The following CNTNAP2 variants were observed in gnomAD, a reference collection of about 807,000 sequenced individuals.
CNTNAP2 encodes the protein contactin associated protein 2.
In CNTNAP2, 98 loss-of-function variants were observed where a neutral mutation model predicts 155.2. That is an observed-to-expected ratio of 0.63 (90% CI 0.54 to 0.75). The LOEUF (loss-of-function observed/expected upper bound fraction) is 0.75, where lower values mean the gene tolerates loss of function less well. Among genes scored for constraint, CNTNAP2 ranks in the 30% least tolerant of loss-of-function variants. The probability of loss-of-function intolerance (pLI) is 0.00; values close to 1 mark genes in which losing one functional copy is unlikely to be tolerated. For missense variants in CNTNAP2, 1,727 were observed against 1,688.1 expected, an observed-to-expected ratio of 1.02 and a Z score of -0.40; for synonymous variants, 651 against 631.2, an observed-to-expected ratio of 1.03 and a Z score of -0.47.
chr7:148,361,601 C>T (rs527301552), intron 21 of CNTNAP2, among the ~76,000 whole-genome samples: 1 of 152,280 alleles, frequency 6.6e-6, no homozygotes, highest in African/African-American at 2.4e-5. Flanking sequence ...CTGCCTTTCT[C>T]CCTGTGTGTG....
intron 1 of CNTNAP2, among the ~76,000 whole-genome samples, chr7:146,505,991 C>A (rs1797378661): frequency 6.6e-6 from 1 of 152,120 alleles, no homozygotes; most frequent in Admixed American, 6.5e-5. Flanking sequence ...CTCAATAATA[C>A]CAGTAGTTTG....
At chr7:147,126,673 A>T (rs1801245734) in intron 6 of CNTNAP2, among the ~76,000 whole-genome samples, 1 of 152,138 alleles carries the variant, frequency 6.6e-6, no homozygotes, top group Non-Finnish European at 1.5e-5. Flanking sequence ...GGGTTTCTCC[A>T]TGTTGATCAG....
chr7:146,135,588 A>T (rs1288852130), intron 1 of CNTNAP2, among the ~76,000 whole-genome samples: 1 of 152,128 alleles, frequency 6.6e-6, no homozygotes, highest in Admixed American at 6.6e-5. Context: ...AATATTATAC[A>T]TATGAGTGTG....
chr7:147,855,201 A>G (rs1427013459), intron 13 of CNTNAP2, among the ~76,000 whole-genome samples: 1 of 152,058 alleles, frequency 6.6e-6, no homozygotes, highest in African/African-American at 2.4e-5. Flanking sequence ...TGGAGATTTC[A>G]TTGTATCTAG....
chr7:146,349,666 G>A (rs1794882439), intron 1 of CNTNAP2, among the ~76,000 whole-genome samples: 1 of 152,020 alleles, frequency 6.6e-6, no homozygotes, highest in African/African-American at 2.4e-5. Flanking sequence ...CAGGCCTGGT[G>A]GTGACAAAAT....
intron 1 of CNTNAP2, among the ~76,000 whole-genome samples, chr7:146,320,451 A>G (rs1800981692): frequency 6.6e-6 from 1 of 152,206 alleles, no homozygotes. Context: ...TGTTATACAT[A>G]AGAAGAAGAA....
At chr7:146,763,802 T>A (rs190218155) in intron 1 of CNTNAP2, among the ~76,000 whole-genome samples, 36 of 152,298 alleles carry the variant, frequency 2.4e-4, no homozygotes, top group Non-Finnish European at 5.1e-4. Flanking sequence ...ATAGACTACT[T>A]TTTTAGCCTA....
intron 11 of CNTNAP2, among the ~76,000 whole-genome samples, chr7:147,515,105 A>G (rs1799095609): frequency 6.6e-6 from 1 of 151,998 alleles, no homozygotes; most frequent in East Asian, 1.9e-4. Flanking sequence ...TGTCCCATGA[A>G]CACATCGGGC....
chr7:147,252,397 AAAG>A (rs984629952), intron 8 of CNTNAP2, among the ~76,000 whole-genome samples: 2 of 152,172 alleles, frequency 1.3e-5, no homozygotes, highest in Non-Finnish European at 2.9e-5. Context: ...ATCTTGCAAA[AAAG>A]CTCTGTCTCC....
chr7:147,324,453 C>T lies in CNTNAP2; in HGVS notation c.1498+24163C>T, dbSNP rs1263059148. 2.0e-5 allele frequency among the ~76,000 whole-genome samples: 3 copies of T among 152,108 alleles called. No homozygotes were observed. In the South Asian group the frequency reaches 6.2e-4, roughly 31 times the overall value. On this transcript the variant is annotated intron_variant, in intron 9 of 23. Transcript: ENST00000361727. ...CATCATGCCACATCAGATATGTAAT[C>T]CATTCAGCCTTATGTTTTCATCTCT... is the stretch of plus-strand genomic sequence containing the variant.
chr7:147,934,711 C>T (rs1800573134), intron 14 of CNTNAP2, among the ~76,000 whole-genome samples: 1 of 152,324 alleles, frequency 6.6e-6, no homozygotes, highest in East Asian at 1.9e-4. Flanking sequence ...AGTAACCCTA[C>T]ATAACCACAA....
At chr7:147,136,147 A>G (rs774762372) in intron 8 of CNTNAP2, among the ~76,000 whole-genome samples, 2 of 151,906 alleles carry the variant, frequency 1.3e-5, no homozygotes, top group African/African-American at 2.4e-5. Context: ...TTAACAAGGT[A>G]ATACAATGTG....
At chr7:147,901,793 C>G (rs541662813) in intron 13 of CNTNAP2, among the ~76,000 whole-genome samples, 2 of 152,066 alleles carry the variant, frequency 1.3e-5, no homozygotes, top group African/African-American at 4.8e-5. Context: ...TCTTTTTCTT[C>G]CATTCTGTTG....
chr7:146,529,930 AC>A (rs1797744186), intron 1 of CNTNAP2, among the ~76,000 whole-genome samples: 1 of 151,926 alleles, frequency 6.6e-6, no homozygotes, highest in Admixed American at 6.6e-5. Context: ...GTGCCACTGC[AC>A]TCTAGCCTGG....
chr7:146,530,794 C>G (rs778294400), intron 1 of CNTNAP2, among the ~76,000 whole-genome samples: 1 of 152,206 alleles, frequency 6.6e-6, no homozygotes, highest in Non-Finnish European at 1.5e-5. Context: ...ATTAGTTCAG[C>G]TACTGTAGAA....
intron 9 of CNTNAP2, among the ~76,000 whole-genome samples, chr7:147,382,614 G>T (rs1380678692): frequency 6.6e-6 from 1 of 152,140 alleles, no homozygotes; most frequent in Non-Finnish European, 1.5e-5. Flanking sequence ...TGAGTTCAGA[G>T]GAGAGAGCTG....
At chr7:148,131,769 C>T (rs1345866985) in intron 16 of CNTNAP2, among the ~76,000 whole-genome samples, 1 of 152,014 alleles carries the variant, frequency 6.6e-6, no homozygotes, top group Non-Finnish European at 1.5e-5. Context: ...AGTTAACAGT[C>T]AGTCAGTGTG....
chr7:147,474,182 C>G (rs1210206477), intron 10 of CNTNAP2, among the ~76,000 whole-genome samples: 1 of 152,004 alleles, frequency 6.6e-6, no homozygotes, highest in Non-Finnish European at 1.5e-5. Flanking sequence ...ATGCAGGAAT[C>G]CAGGGCTGGC....
chr7:148,395,389 C>T (rs1799446644), intron 22 of CNTNAP2, among the ~76,000 whole-genome samples: 1 of 152,052 alleles, frequency 6.6e-6, no homozygotes, highest in African/African-American at 2.4e-5. Context: ...CTGACCACAC[C>T]TCTGCTGCCC....
Sources: gnomAD v4.1 joint callset for allele counts (sites outside exome capture counted in the v4.1 genomes callset) on GRCh38, gnomAD v4.1.1 for gene constraint, MANE v1.5 for transcripts, NCBI Gene and HGNC (gene_info 2026-07-23, HGNC 2026-07-21) for gene names.